The following TMCC1 variants were observed in gnomAD, a reference collection of about 807,000 sequenced individuals.
TMCC1 encodes the protein transmembrane and coiled-coil domain family 1.
Under a neutral mutation model 52.4 loss-of-function variants are expected in TMCC1, and 15 were observed. The observed-to-expected ratio is 0.29, with a 90% CI of 0.19 to 0.44. The LOEUF is 0.44. TMCC1 is among the 20% of genes least tolerant of loss of function. The pLI is 1.00. For missense variants in TMCC1, 503 were observed against 806.0 expected (o/e 0.62, Z 4.55); for synonymous variants, 279 against 301.9 (o/e 0.92, Z 0.79).
chr3:129,876,986 TCTC>T (rs917597675), intron 2 of TMCC1, among the ~76,000 whole-genome samples: 1 of 151,886 alleles, frequency 6.6e-6, no homozygotes, highest in African/African-American at 2.4e-5. Flanking sequence ...ACCCTGAAGA[TCTC>T]CTCAAAGTAA....
intron 4 of TMCC1, among the ~76,000 whole-genome samples, chr3:129,804,160 G>T (rs1009034820): frequency 3.3e-5 from 5 of 152,136 alleles, no homozygotes; most frequent in African/African-American, 1.2e-4. Context: ...AGCAATAAGG[G>T]AAAGTTGTTT....
At chr3:129,709,620 A>T (rs1409914446) in intron 4 of TMCC1, among the ~76,000 whole-genome samples, 1 of 151,938 alleles carries the variant, frequency 6.6e-6, no homozygotes, top group Non-Finnish European at 1.5e-5. Flanking sequence ...TTACACCATA[A>T]ATCTATACTA....
Position 129,648,595 on chromosome 3 carries a change from G to C in TMCC1, c.*2886C>G, listed in dbSNP as rs1480151766. 6.6e-6 allele frequency: 1 copy of C among 152,058 alleles called. No homozygotes were observed. The highest frequency in any genetic ancestry group is 1.5e-5 in the Non-Finnish European group (1 of 68,026). 9.4% of individuals were successfully genotyped at this position (152,058 alleles called of 1,614,324 possible). A position where few individuals can be genotyped will look rare whatever the true frequency, so the allele number is the denominator to read the frequency against. On this transcript the variant is annotated 3_prime_UTR_variant, in exon 7 of 7. Coordinates refer to ENST00000393238, the MANE Select transcript of TMCC1 (RefSeq NM_001017395.5). ...ATTCTACAACCTGAACAATCACCCA[G>C]GCCAACACAGCCAGCTTCACTCACC...
chr3:129,845,573 A>G (rs2059626737), intron 2 of TMCC1, among the ~76,000 whole-genome samples: 1 of 152,240 alleles, frequency 6.6e-6, no homozygotes, highest in Admixed American at 6.5e-5. Flanking sequence ...AATCAGATAT[A>G]TACTATCAAA....
chr3:129,716,644 T>G (rs2049133586), intron 4 of TMCC1, among the ~76,000 whole-genome samples: 1 of 151,996 alleles, frequency 6.6e-6, no homozygotes, highest in African/African-American at 2.4e-5. Flanking sequence ...CCACTGTGCC[T>G]GGCCTCAGCC....
intron 4 of TMCC1, among the ~76,000 whole-genome samples, chr3:129,742,486 AC>A (rs2051550571): frequency 1.3e-5 from 2 of 152,170 alleles, no homozygotes; most frequent in Admixed American, 1.3e-4. Flanking sequence ...ATCATTAACC[AC>A]CAAGGAAGTG....
intron 4 of TMCC1, among the ~76,000 whole-genome samples, chr3:129,821,739 T>C (rs1312253659): frequency 2.0e-5 from 3 of 152,174 alleles, no homozygotes; most frequent in Non-Finnish European, 2.9e-5. Flanking sequence ...AATAACTCCA[T>C]GAAGACTATT....
At chr3:129,751,792 C>T (rs919003482) in intron 4 of TMCC1, among the ~76,000 whole-genome samples, 1 of 152,118 alleles carries the variant, frequency 6.6e-6, no homozygotes, top group Non-Finnish European at 1.5e-5. Flanking sequence ...AACTCCTGAC[C>T]TCATAATCCG....
intron 2 of TMCC1, among the ~76,000 whole-genome samples, chr3:129,845,977 T>C (rs1357355876): frequency 6.6e-6 from 1 of 151,550 alleles, no homozygotes; most frequent in Non-Finnish European, 1.5e-5. Context: ...CAGGCTGCAG[T>C]GAGCCGTGTT....
intron 4 of TMCC1, among the ~76,000 whole-genome samples, chr3:129,804,216 A>G (rs1270503829): frequency 6.6e-6 from 1 of 152,222 alleles, no homozygotes; most frequent in Non-Finnish European, 1.5e-5. Context: ...AGCCTTATAA[A>G]ATGTCATTCT....
chr3:129,680,000 C>G (rs918241120), intron 4 of TMCC1, among the ~76,000 whole-genome samples: 9 of 151,516 alleles, frequency 5.9e-5, no homozygotes, highest in African/African-American at 2.2e-4. Context: ...CTTATTGCAT[C>G]AGAGATTGAC....
intron 4 of TMCC1, among the ~76,000 whole-genome samples, chr3:129,708,329 C>T (rs1395930568): frequency 6.6e-6 from 1 of 152,126 alleles, no homozygotes; most frequent in Admixed American, 6.5e-5. Flanking sequence ...CTAAGACATC[C>T]TAATTCTTAA....
intron 4 of TMCC1, among the ~76,000 whole-genome samples, chr3:129,677,395 CT>C (rs1259443538): frequency 6.6e-6 from 1 of 152,158 alleles, no homozygotes; most frequent in East Asian, 1.9e-4. Context: ...TGAGCATGTG[CT>C]AACCAGGAAA....
intron 4 of TMCC1, among the ~76,000 whole-genome samples, chr3:129,698,733 T>C (rs1241824517): frequency 1.3e-5 from 2 of 152,178 alleles, no homozygotes; most frequent in African/African-American, 4.8e-5. Context: ...TCTTAAGGCC[T>C]GTACAAAAGA....
chr3:129,754,578 AT>A (rs1024014495), intron 4 of TMCC1, among the ~76,000 whole-genome samples: 3 of 152,208 alleles, frequency 2.0e-5, no homozygotes, highest in African/African-American at 7.2e-5. Context: ...AGCCAACTGC[AT>A]TTTTACAAAG....
chr3:129,837,962 G>A (rs952765494), intron 2 of TMCC1, among the ~76,000 whole-genome samples: 1 of 152,138 alleles, frequency 6.6e-6, no homozygotes, highest in South Asian at 2.1e-4. Flanking sequence ...TACCCAAACT[G>A]AAATATAAAG....
At chr3:129,681,063 C>T (rs932032965) in intron 4 of TMCC1, among the ~76,000 whole-genome samples, 1 of 151,926 alleles carries the variant, frequency 6.6e-6, no homozygotes, top group African/African-American at 2.4e-5. Context: ...TCAAAAGCAG[C>T]TTATATGATG....
chr3:129,755,093 G>C (rs2052882521), intron 4 of TMCC1, among the ~76,000 whole-genome samples: 1 of 151,958 alleles, frequency 6.6e-6, no homozygotes, highest in Non-Finnish European at 1.5e-5. Flanking sequence ...AAGTCTACCT[G>C]ACCTTGGGTT....
intron 4 of TMCC1, chr3:129,818,826 CA>C (rs1467018718): frequency 5.9e-5 from 9 of 152,070 alleles, no homozygotes; most frequent in Non-Finnish European, 1.0e-4. Context: ...ACTATAAATA[CA>C]AAGTAAGAAA....
Sources: gnomAD v4.1 joint callset for allele counts (sites outside exome capture counted in the v4.1 genomes callset) on GRCh38, gnomAD v4.1.1 for gene constraint, MANE v1.5 for transcripts, NCBI Gene and HGNC (gene_info 2026-07-23, HGNC 2026-07-21) for gene names.